Variants in TMTC2 observed in about 807,000 individuals in gnomAD.
TMTC2 encodes the protein transmembrane O-mannosyltransferase targeting cadherins 2, also known as protein O-mannosyl-transferase TMTC2.
Under a neutral mutation model 82.4 loss-of-function variants are expected in TMTC2, and 43 were observed. That is an observed-to-expected ratio of 0.52 (90% CI 0.41 to 0.67). TMTC2 has a LOEUF of 0.67. Ranked by LOEUF, TMTC2 falls within the 30% of genes least tolerant of loss-of-function variation. The pLI is 0.00. For synonymous variants in TMTC2, 408 were observed against 381.9 expected (o/e 1.07, Z -0.80); for missense variants, 919 against 1,012.4 (o/e 0.91, Z 1.25).
intron 2 of TMTC2, among the ~76,000 whole-genome samples, chr12:82,872,354 A>C (rs941607833): frequency 1.3e-5 from 2 of 152,190 alleles, no homozygotes; most frequent in Non-Finnish European, 2.9e-5. Context: ...GGTCTTGACT[A>C]AGTTTGCCTC....
chr12:82,731,947 C>G (rs1028611833), intron 1 of TMTC2, among the ~76,000 whole-genome samples: 1 of 152,098 alleles, frequency 6.6e-6, no homozygotes, highest in Non-Finnish European at 1.5e-5. Context: ...TTTCTTTCTC[C>G]TTGCTTGTTG....
At chr12:82,903,152 T>G (rs1014976714) in intron 3 of TMTC2, among the ~76,000 whole-genome samples, 5 of 152,188 alleles carry the variant, frequency 3.3e-5, no homozygotes, top group Non-Finnish European at 5.9e-5. Context: ...TTACCTCCTT[T>G]AAGTCTCTGA....
chr12:82,882,251 G>T (rs577522575), intron 2 of TMTC2, among the ~76,000 whole-genome samples: 2 of 151,670 alleles, frequency 1.3e-5, no homozygotes, highest in African/African-American at 2.4e-5. Context: ...CGCCCGCCTC[G>T]GCCTCCCAAA....
chr12:83,044,261 A>C (rs1437043678), intron 9 of TMTC2, among the ~76,000 whole-genome samples: 1 of 152,200 alleles, frequency 6.6e-6, no homozygotes, highest in Non-Finnish European at 1.5e-5. Context: ...CATTTATTAA[A>C]TCTCCAAAGT....
At chr12:82,872,580 GTC>G (rs1347933491) in intron 2 of TMTC2, among the ~76,000 whole-genome samples, 1 of 152,118 alleles carries the variant, frequency 6.6e-6, no homozygotes, top group Non-Finnish European at 1.5e-5. Context: ...GAAATAATGA[GTC>G]TGCATTACAG....
chr12:82,693,972 A>G (rs936145733), intron 1 of TMTC2, among the ~76,000 whole-genome samples: 10 of 151,078 alleles, frequency 6.6e-5, no homozygotes, highest in Non-Finnish European at 1.5e-4. Context: ...CCATCTCAAA[A>G]AAAAAAAAAA....
chr12:83,005,240 A>G (rs1355154327), intron 8 of TMTC2, among the ~76,000 whole-genome samples: 1 of 147,696 alleles, frequency 6.8e-6, no homozygotes, highest in African/African-American at 2.5e-5. Context: ...GAGAGAGAAA[A>G]GAAAAAAGGG....
At chr12:82,948,179 A>C (rs900463248) in intron 4 of TMTC2, among the ~76,000 whole-genome samples, 1 of 152,154 alleles carries the variant, frequency 6.6e-6, no homozygotes, top group Non-Finnish European at 1.5e-5. Flanking sequence ...CAGCCTGGGC[A>C]ATATAGTGAG....
intron 7 of TMTC2, among the ~76,000 whole-genome samples, chr12:82,983,851 T>G (rs1879037702): frequency 6.6e-6 from 1 of 152,052 alleles, no homozygotes; most frequent in South Asian, 2.1e-4. Flanking sequence ...GTTCAGTATT[T>G]TAGGGCTTGT....
intron 10 of TMTC2, among the ~76,000 whole-genome samples, chr12:83,055,903 T>C (rs562493723): frequency 6.6e-6 from 1 of 152,118 alleles, no homozygotes; most frequent in African/African-American, 2.4e-5. Flanking sequence ...TAGATGAGCA[T>C]ACTGAGACTC....
chr12:82,731,193 T>C (rs1874791688), intron 1 of TMTC2, among the ~76,000 whole-genome samples: 4 of 152,222 alleles, frequency 2.6e-5, no homozygotes, highest in Non-Finnish European at 5.9e-5. Context: ...GCATACCACT[T>C]GATAGTTGTC....
At chr12:82,839,967 G>A (rs924524569) in intron 1 of TMTC2, among the ~76,000 whole-genome samples, 9 of 152,146 alleles carry the variant, frequency 5.9e-5, no homozygotes, top group Admixed American at 5.2e-4. Context: ...AATTTCACAT[G>A]GGTGCAGCGT....
chr12:83,097,287 T>G (rs993256559), intron 11 of TMTC2, among the ~76,000 whole-genome samples: 16 of 152,192 alleles, frequency 1.1e-4, no homozygotes, highest in African/African-American at 3.9e-4. Context: ...AAAATTGTTC[T>G]TCTCAAACAT....
At chr12:83,017,160 C>A (rs1796175) in intron 8 of TMTC2, among the ~76,000 whole-genome samples, 135,226 of 152,134 alleles carry the variant, frequency 0.89, 60,112 homozygotes, top group South Asian at 0.97. Context: ...AGGGAATGGA[C>A]AGCTGAGGTC....
At chr12:82,852,263 G>C (rs1432510902) in intron 1 of TMTC2, among the ~76,000 whole-genome samples, 1 of 151,882 alleles carries the variant, frequency 6.6e-6, no homozygotes, top group Non-Finnish European at 1.5e-5. Flanking sequence ...CACCACGCCC[G>C]GCTAATTTTG....
intron 2 of TMTC2, among the ~76,000 whole-genome samples, chr12:82,892,847 C>T (rs1045670403): frequency 6.6e-6 from 1 of 152,136 alleles, no homozygotes; most frequent in Non-Finnish European, 1.5e-5. Flanking sequence ...TCTCCTTTAT[C>T]TTTGCCAAAT....
chr12:82,943,368 A>T (rs540829662), intron 4 of TMTC2, among the ~76,000 whole-genome samples: 6 of 152,208 alleles, frequency 3.9e-5, no homozygotes, highest in Non-Finnish European at 8.8e-5. Context: ...GTGCTGAGAC[A>T]ATTGCTATTG....
At chr12:82,961,954 T>C (rs1877958463) in intron 4 of TMTC2, among the ~76,000 whole-genome samples, 1 of 152,086 alleles carries the variant, frequency 6.6e-6, no homozygotes, top group Non-Finnish European at 1.5e-5. Flanking sequence ...AGACTCACTC[T>C]ATTGCTAACT....
At chr12:83,029,157 A>G (rs2137419595) in intron 8 of TMTC2, among the ~76,000 whole-genome samples, 1 of 152,236 alleles carries the variant, frequency 6.6e-6, no homozygotes, top group South Asian at 2.1e-4. Context: ...TGACGGAATG[A>G]ACAAAAGGAG....
Sources: gnomAD v4.1 joint callset for allele counts (sites outside exome capture counted in the v4.1 genomes callset) on GRCh38, gnomAD v4.1.1 for gene constraint, MANE v1.5 for transcripts, NCBI Gene and HGNC (gene_info 2026-07-23, HGNC 2026-07-21) for gene names.